Variants in CAPN2 observed in about 807,000 individuals in gnomAD.
The protein encoded by CAPN2 is calpain-2 catalytic subunit.
A neutral mutation model predicts 102.3 loss-of-function variants in CAPN2; 92 were observed. The ratio of observed to expected loss-of-function variants is 0.90; its 90% CI spans 0.76 to 1.07. The LOEUF (loss-of-function observed/expected upper bound fraction) is 1.07, where lower values mean the gene tolerates loss of function less well. Among genes scored for constraint, CAPN2 ranks in the 50% least tolerant of loss-of-function variants. The pLI is 0.00. For missense variants in CAPN2, 800 were observed against 909.4 expected (o/e 0.88, Z 1.55); for synonymous variants, 340 against 355.4 (o/e 0.96, Z 0.49).
chr1:223,755,866 G>A lies in CAPN2; in HGVS notation c.1305+217G>A, dbSNP rs3754087. Among the ~76,000 whole-genome samples the A allele has an allele frequency of 9.9e-5, 15 of 152,198 alleles. No individual in the cohort carries two copies. In the East Asian group the frequency reaches 2.3e-3, roughly 23 times the overall value. On this transcript the variant is annotated intron_variant, in intron 10 of 20. Coordinates refer to ENST00000295006, the MANE Select transcript of CAPN2 (RefSeq NM_001748.5). This position sits in a 1 kb window ranked among gnomAD's most constrained non-coding sequence, Gnocchi z 4.1. ...TTGTGGGGCCTTCTAAGCCCTTCAC[G>A]GGCCCCCCACAGCCAGCCTGCAGGG... is the stretch of plus-strand genomic sequence containing the variant.
chr1:223,741,770 C>T (rs1274220540), intron 2 of CAPN2, among the ~76,000 whole-genome samples: 1 of 151,254 alleles, frequency 6.6e-6, no homozygotes, highest in Non-Finnish European at 1.5e-5. Context: ...TTATCTTTTT[C>T]TTTTCTTTTC....
chr1:223,721,639 C>T (rs1038308540), intron 2 of CAPN2, among the ~76,000 whole-genome samples: 3 of 152,206 alleles, frequency 2.0e-5, no homozygotes, highest in Non-Finnish European at 2.9e-5. Context: ...CCCAGAGCAC[C>T]CACTGGGAGG....
intron 13 of CAPN2, 57 bp downstream of exon 13, chr1:223,761,674 G>A: frequency 2.1e-6 from 3 of 1,449,492 alleles, no homozygotes; most frequent in Admixed American, 1.9e-5. Flanking sequence ...AGAGAGCAGA[G>A]GAGCAAAAAA....
At chr1:223,728,990 G>A (rs529859060) in intron 2 of CAPN2, among the ~76,000 whole-genome samples, 1 of 152,284 alleles carries the variant, frequency 6.6e-6, no homozygotes, top group South Asian at 2.1e-4. Flanking sequence ...CTCTATACAA[G>A]GTTCTTCCCT....
At chr1:223,711,705 GGTTC>G (rs1311297756), upstream of CAPN2, among the ~76,000 whole-genome samples, 1 of 152,202 alleles carries the variant, frequency 6.6e-6, no homozygotes, top group African/African-American at 2.4e-5. Context: ...CTCCCTCCTG[GGTTC>G]AAGCGTTTCT....
At chr1:223,751,644 T>A (rs1179157218) in intron 7 of CAPN2, among the ~76,000 whole-genome samples, 1 of 150,386 alleles carries the variant, frequency 6.6e-6, no homozygotes, top group Non-Finnish European at 1.5e-5. Flanking sequence ...TCATCAGATC[T>A]TCAGTTGTCT....
intron 6 of CAPN2, 53 bp from the exon 7 acceptor site, chr1:223,750,837 T>G: frequency 6.6e-7 from 1 of 1,515,352 alleles, no homozygotes; most frequent in Non-Finnish European, 9.0e-7. Flanking sequence ...CAAGCCTTCA[T>G]AGCCCTGACT....
Position 223,770,531 on chromosome 1 carries a change from C to T in CAPN2, c.1903+6C>T, listed in dbSNP as rs755298919. 1.9e-6 allele frequency: 3 copies of T among 1,598,364 alleles called. No homozygotes were observed. Among genetic ancestry groups the T allele is most frequent in the Non-Finnish European group, 1.7e-6 (2 of 1,166,184 alleles). ...GAAGGCATTAGAAGAAGCAGGTAAC[C>T]CTTTATAACTGCATTTTCGTTCCTA... On this transcript the variant is annotated splice_donor_region_variant and intron_variant, in intron 18 of 20. Transcript: ENST00000295006.
upstream of CAPN2, chr1:223,712,420 G>A (rs1659752126): frequency 7.4e-6 from 8 of 1,084,650 alleles, no homozygotes; most frequent in Admixed American, 5.2e-5. Flanking sequence ...CGCTCGGCAG[G>A]CCGCAGGATG....
intron 17 of CAPN2, 103 bp downstream of exon 17, chr1:223,770,012 G>A (rs564007429): frequency 3.0e-6 from 3 of 992,030 alleles, no homozygotes; most frequent in South Asian, 2.8e-5. Context: ...ATTTCCAAGG[G>A]GATTGGGATT....
At chr1:223,742,578 G>A (rs1451760326) in intron 2 of CAPN2, among the ~76,000 whole-genome samples, 1 of 145,330 alleles carries the variant, frequency 6.9e-6, no homozygotes, top group East Asian at 2.0e-4. Context: ...TGAGTGCAGT[G>A]GCATGATCAC....
intron 3 of CAPN2, 82 bp downstream of exon 3, chr1:223,744,300 G>T: frequency 1.1e-6 from 1 of 883,852 alleles, no homozygotes; most frequent in Non-Finnish European, 1.9e-6. Flanking sequence ...GGGTTCATCA[G>T]TCCCTGGTGT....
At chr1:223,721,146 T>C (rs1018404907) in intron 2 of CAPN2, among the ~76,000 whole-genome samples, 2 of 152,308 alleles carry the variant, frequency 1.3e-5, no homozygotes, top group African/African-American at 4.8e-5. Context: ...ACAGAGCTGC[T>C]CTCACCAAGA....
intron 2 of CAPN2, among the ~76,000 whole-genome samples, chr1:223,741,554 A>G (rs1660617773): frequency 6.6e-6 from 1 of 151,098 alleles, no homozygotes; most frequent in African/African-American, 2.4e-5. Context: ...TCCTGGATTC[A>G]AGCGATTCTC....
At chr1:223,746,476 T>C in intron 4 of CAPN2, among the ~76,000 whole-genome samples, 1 of 105,582 alleles carries the variant, frequency 9.5e-6, no homozygotes. Context: ...TACGAGAATC[T>C]TTTTTTTTTT....
rs1660331822 is a variant in CAPN2 at position 223,731,419 on chromosome 1, C to T, written c.308-12681C>T. 6.6e-6 allele frequency among the ~76,000 whole-genome samples: 1 copy of T among 152,080 alleles called. No individual in the cohort carries two copies. The highest frequency in any genetic ancestry group is 1.5e-5 in the Non-Finnish European group (1 of 68,014). ...GACTCTGCACTTGACCTTCCCTCTC[C>T]CTGAAAGTGCCCCTGCTCTTCCTCA... On this transcript the variant is annotated intron_variant, in intron 2 of 20. Coordinates refer to ENST00000295006, the MANE Select transcript of CAPN2 (RefSeq NM_001748.5). This position sits in a 1 kb window ranked among gnomAD's most constrained non-coding sequence, Gnocchi z 4.2.
At chr1:223,719,842 G>GCA (rs1660004399) in intron 2 of CAPN2, among the ~76,000 whole-genome samples, 2 of 152,186 alleles carry the variant, frequency 1.3e-5, no homozygotes, top group Middle Eastern at 3.4e-3. Flanking sequence ...GCGCGCGCGC[G>GCA]CGTATAATGC....
At position 223,726,827 on chromosome 1, in the gene CAPN2, T is replaced by A. The variant is rs1249992030; in HGVS notation, c.307+8996T>A. ...CATGGGGAATTCCACTTTGGGGGTA[T>A]CCTTTTCTGGGCTGCTGCCAGACTC... On this transcript the variant is annotated intron_variant, in intron 2 of 20. Transcript: ENST00000295006. The surrounding 1 kb of genome is among the most constrained non-coding windows in gnomAD (Gnocchi z 4.4). Among the ~76,000 whole-genome samples the A allele has an allele frequency of 2.0e-5, 3 of 152,092 alleles. No homozygotes were observed. The highest frequency in any genetic ancestry group is 4.4e-5 in the Non-Finnish European group (3 of 68,018).
chr1:223,739,992 C>G (rs1236672559), intron 2 of CAPN2, among the ~76,000 whole-genome samples: 1 of 152,200 alleles, frequency 6.6e-6, no homozygotes, highest in Non-Finnish European at 1.5e-5. Flanking sequence ...GGCACCTGAC[C>G]AGGAAGAAAT....
Sources: allele counts gnomAD v4.1 joint callset (sites outside exome capture counted in the v4.1 genomes callset), GRCh38; gene constraint gnomAD v4.1.1; non-coding constraint Gnocchi (gnomAD v3.1); transcripts MANE v1.5; gene names NCBI Gene and HGNC (gene_info 2026-07-23, HGNC 2026-07-21).